ANO6: variants seen among roughly 807,000 people sequenced by gnomAD.
ANO6 encodes the protein anoctamin-6.
ANO6 carries 106 observed loss-of-function variants against 117.5 expected under a neutral mutation model. The observed-to-expected ratio is 0.90, with a 90% CI of 0.77 to 1.06. The LOEUF (loss-of-function observed/expected upper bound fraction) is 1.06, where lower values mean the gene tolerates loss of function less well. Among genes scored for constraint, ANO6 ranks in the 50% least tolerant of loss-of-function variants. ANO6 has a pLI of 0.00. For missense variants in ANO6, 955 were observed against 1,121.1 expected (o/e 0.85, Z 2.12); for synonymous variants, 367 against 385.1 (o/e 0.95, Z 0.55).
At chr12:45,234,725 A>AC (rs1947621696) in intron 1 of ANO6, among the ~76,000 whole-genome samples, 1 of 59,782 alleles carries the variant, frequency 1.7e-5, no homozygotes, top group African/African-American at 6.3e-5. Context: ...AGAACCCCCC[A>AC]CCCCCACCCC....
At chr12:45,318,918 T>C (rs1322454274) in intron 2 of ANO6, among the ~76,000 whole-genome samples, 1 of 152,162 alleles carries the variant, frequency 6.6e-6, no homozygotes, top group Non-Finnish European at 1.5e-5. Context: ...TGGCTCTCTG[T>C]CTGTTATTGG....
chr12:45,292,764 G>C, intron 1 of ANO6: 1 of 1,438,892 alleles, frequency 6.9e-7, no homozygotes. Context: ...AATGTTACAA[G>C]GTGGAGAAAT....
At chr12:45,405,855 C>T (rs1271323855) in intron 15 of ANO6, among the ~76,000 whole-genome samples, 4 of 151,918 alleles carry the variant, frequency 2.6e-5, no homozygotes, top group African/African-American at 7.3e-5. Flanking sequence ...TGCAGTGAGC[C>T]GAGATCGCAC....
At chr12:45,421,596 G>A (rs908172982) in intron 18 of ANO6, among the ~76,000 whole-genome samples, 2 of 152,166 alleles carry the variant, frequency 1.3e-5, no homozygotes, top group Non-Finnish European at 2.9e-5. Context: ...CGATTACAGG[G>A]AGATTGATTC....
chr12:45,330,596 C>T (rs1160325437), intron 2 of ANO6, among the ~76,000 whole-genome samples: 2 of 152,108 alleles, frequency 1.3e-5, no homozygotes, highest in Non-Finnish European at 2.9e-5. Flanking sequence ...GGTCTCTGTT[C>T]TGCCATCATT....
chr12:45,217,881 A>C (rs1765226379), intron 1 of ANO6, among the ~76,000 whole-genome samples: 1 of 152,218 alleles, frequency 6.6e-6, no homozygotes. Flanking sequence ...GTTTATAATG[A>C]GTATTGTAAG....
At chr12:45,223,691 G>T (rs931444632) in intron 1 of ANO6, among the ~76,000 whole-genome samples, 3 of 151,966 alleles carry the variant, frequency 2.0e-5, no homozygotes, top group African/African-American at 7.3e-5. Context: ...ACTGGCCTAG[G>T]TTATTTAAGT....
At chr12:45,323,748 G>T (rs1425603087) in intron 2 of ANO6, among the ~76,000 whole-genome samples, 1 of 152,100 alleles carries the variant, frequency 6.6e-6, no homozygotes, top group Non-Finnish European at 1.5e-5. Flanking sequence ...TAGTAGCTCT[G>T]CCAGATACCA....
At chr12:45,396,830 T>C (rs1325683088) in intron 12 of ANO6, among the ~76,000 whole-genome samples, 3 of 152,122 alleles carry the variant, frequency 2.0e-5, no homozygotes, top group East Asian at 1.9e-4. Flanking sequence ...GTACAAAAAT[T>C]AATTCAAGAT....
In ANO6 at chr12:45,416,686, A is replaced by G. The variant is rs1423497057; in HGVS notation, c.2012-13A>G. ...CACCACCACTCCATGATGTGTGTCC[A>G]TTCCATTGACAGTTATTCAGTTTGG... On this transcript the variant is annotated splice_polypyrimidine_tract_variant and intron_variant, in intron 16 of 19. Transcript: ENST00000320560. The G allele has an allele frequency of 1.9e-6, 3 of 1,613,604 alleles. No individual in the cohort carries two copies. In the South Asian group the frequency reaches 3.3e-5, roughly 18 times the overall value.
chr12:45,309,332 T>C (rs985945951), intron 2 of ANO6, among the ~76,000 whole-genome samples: 4 of 152,108 alleles, frequency 2.6e-5, no homozygotes, highest in Non-Finnish European at 4.4e-5. Context: ...TTGGAAATTA[T>C]AGACTTTAGG....
At chr12:45,235,979 G>A (rs1947639049) in intron 1 of ANO6, among the ~76,000 whole-genome samples, 2 of 152,224 alleles carry the variant, frequency 1.3e-5, no homozygotes, top group African/African-American at 2.4e-5. Context: ...GGCTGGATCA[G>A]GCTGACTGTC....
chr12:45,266,066 G>C (rs1217599883), intron 1 of ANO6, among the ~76,000 whole-genome samples: 1 of 152,156 alleles, frequency 6.6e-6, no homozygotes, highest in African/African-American at 2.4e-5. Flanking sequence ...ACTTCCCCTG[G>C]CCATTCAAGG....
At chr12:45,274,307 G>A (rs1938480246) in intron 1 of ANO6, among the ~76,000 whole-genome samples, 1 of 152,170 alleles carries the variant, frequency 6.6e-6, no homozygotes, top group Non-Finnish European at 1.5e-5. Flanking sequence ...TAGTAGATGA[G>A]TTGAACTTAA....
chr12:45,325,883 C>G (rs557053088), intron 2 of ANO6, among the ~76,000 whole-genome samples: 2 of 152,210 alleles, frequency 1.3e-5, no homozygotes, highest in South Asian at 4.1e-4. Context: ...TAAGAAGGCT[C>G]CTAACTCAGC....
chr12:45,376,000 A>G (rs2137537656), intron 9 of ANO6, among the ~76,000 whole-genome samples: 1 of 150,450 alleles, frequency 6.6e-6, no homozygotes, highest in Non-Finnish European at 1.5e-5. Context: ...AACTCAAACA[A>G]ATTTACAAGA....
At chr12:45,302,347 A>C (rs1939522452) in intron 2 of ANO6, among the ~76,000 whole-genome samples, 1 of 152,326 alleles carries the variant, frequency 6.6e-6, no homozygotes, top group Middle Eastern at 3.4e-3. Context: ...TTCACTTTGT[A>C]ATAAAATAGC....
chr12:45,409,808 TGTG>T (rs1479563218), intron 16 of ANO6, among the ~76,000 whole-genome samples: 1 of 152,158 alleles, frequency 6.6e-6, no homozygotes, highest in East Asian at 1.9e-4. Flanking sequence ...CAGGCTGGAG[TGTG>T]GTGGTACAAT....
chr12:45,216,239 C>T lies in ANO6; in HGVS notation c.-83C>T. 1.3e-6 allele frequency: 2 copies of T among 1,482,386 alleles called. No homozygotes were observed. Among genetic ancestry groups the T allele is most frequent in the Non-Finnish European group, 1.8e-6 (2 of 1,084,942 alleles). 91.8% of individuals were successfully genotyped at this position (1,482,386 alleles called of 1,614,324 possible). A position where few individuals can be genotyped will look rare whatever the true frequency, so the allele number is the denominator to read the frequency against. ...GACACACGCCCCGCGGTCCCCGATC[C>T]GGCCCCTGGGAGAGCCGCGCCGTTC... On this transcript the variant is annotated 5_prime_UTR_variant, in exon 1 of 20. Transcript: ENST00000320560.
Sources: allele counts gnomAD v4.1 joint callset (sites outside exome capture counted in the v4.1 genomes callset), GRCh38; gene constraint gnomAD v4.1.1; transcripts MANE v1.5; gene names NCBI Gene and HGNC (gene_info 2026-07-23, HGNC 2026-07-21).